PKHD1: variants seen among roughly 807,000 people sequenced by gnomAD.
PKHD1 encodes fibrocystin.
In PKHD1, 291 loss-of-function variants were observed where a neutral mutation model predicts 412.0. The ratio of observed to expected loss-of-function variants is 0.71; its 90% CI spans 0.64 to 0.78. PKHD1 has a LOEUF of 0.78. Ranked by LOEUF, PKHD1 falls within the 30% of genes least tolerant of loss-of-function variation. The pLI, the probability that PKHD1 is intolerant of heterozygous loss-of-function variation, is 0.00. For missense variants in PKHD1, 4,825 were observed against 4,950.7 expected (o/e 0.97, Z 0.76); for synonymous variants, 1,777 against 1,821.5 (o/e 0.98, Z 0.62).
intron 33 of PKHD1, among the ~76,000 whole-genome samples, chr6:52,022,174 CAA>C: frequency 6.6e-6 from 1 of 152,312 alleles, no homozygotes; most frequent in Non-Finnish European, 1.5e-5. Flanking sequence ...TCTTTCCCCA[CAA>C]AGACACGGCT....
intron 52 of PKHD1, among the ~76,000 whole-genome samples, chr6:51,823,610 T>C (rs1325070805): frequency 6.6e-6 from 1 of 152,170 alleles, no homozygotes; most frequent in Non-Finnish European, 1.5e-5. Context: ...CAAGCAGACA[T>C]GGACAAATTA....
At chr6:52,006,280 T>C (rs1581704775) in intron 35 of PKHD1, among the ~76,000 whole-genome samples, 1 of 152,034 alleles carries the variant, frequency 6.6e-6, no homozygotes, top group Non-Finnish European at 1.5e-5. Flanking sequence ...GTTCAAGCAA[T>C]TCTCCTGCCT....
Position 51,767,251 on chromosome 6 carries a change from C to CT in PKHD1, c.8642+5450dup, listed in dbSNP as rs371375096. On this transcript the variant is annotated intron_variant, in intron 55 of 66. Coordinates refer to ENST00000371117, the MANE Select transcript of PKHD1 (RefSeq NM_138694.4). Reference sequence around the variant, plus strand: ...AAATGCTAATGTTTGGCTATTTTCTCTTTTTTTTGGCCTTTTATTATATTT... The same window carrying CT: ...AAATGCTAATGTTTGGCTATTTTCTCTTTTTTTTTGGCCTTTTATTATATTT... Among the ~76,000 whole-genome samples, 368 of 151,588 alleles carry CT rather than the reference C, an allele frequency of 2.4e-3. 3 individuals carry two copies. The highest frequency in any genetic ancestry group is 7.3e-3 in the African/African-American group (304 of 41,380).
At chr6:51,640,493 T>C (rs1295720807) in intron 63 of PKHD1, among the ~76,000 whole-genome samples, 1 of 152,194 alleles carries the variant, frequency 6.6e-6, no homozygotes, top group Admixed American at 6.6e-5. Context: ...ATCTTCAGAA[T>C]AGCTATGATG....
Position 51,850,435 on chromosome 6 carries a change from C to T in PKHD1, c.7912-2465G>A, listed in dbSNP as rs546336547. Reference sequence around the variant, plus strand: ...TTTTTTCTAATTCTGTGAAGAATGTCAGTGGTAGTTTGATGGGAATAGCAT... The same window carrying T: ...TTTTTTCTAATTCTGTGAAGAATGTTAGTGGTAGTTTGATGGGAATAGCAT... On this transcript the variant is annotated intron_variant, in intron 49 of 66. Transcript: ENST00000371117. Among the ~76,000 whole-genome samples the T allele has an allele frequency of 2.0e-5, 3 of 152,240 alleles. No homozygotes were observed. In the East Asian group the frequency reaches 5.8e-4, roughly 29 times the overall value.
intron 43 of PKHD1, among the ~76,000 whole-genome samples, chr6:51,889,063 G>A (rs58715183): frequency 6.6e-6 from 1 of 151,976 alleles, no homozygotes; most frequent in Admixed American, 6.6e-5. Context: ...TCAGGTGTAA[G>A]CCCTGTGCTA....
At chr6:51,662,880 C>T (rs1054374527) in intron 60 of PKHD1, among the ~76,000 whole-genome samples, 2 of 151,886 alleles carry the variant, frequency 1.3e-5, no homozygotes, top group Non-Finnish European at 2.9e-5. Flanking sequence ...TTCTATGTCT[C>T]TTAATGAAAT....
At chr6:51,869,009 A>T (rs1775528893) in intron 47 of PKHD1, among the ~76,000 whole-genome samples, 1 of 152,176 alleles carries the variant, frequency 6.6e-6, no homozygotes, top group African/African-American at 2.4e-5. Flanking sequence ...ACATTATAAA[A>T]TATAAAAAAA....
chr6:51,921,073 G>C (rs1032216247), intron 37 of PKHD1, among the ~76,000 whole-genome samples: 23 of 152,068 alleles, frequency 1.5e-4, no homozygotes, highest in African/African-American at 4.8e-4. Flanking sequence ...CAAAAAACCA[G>C]CTCCTGGATT....
Position 51,847,787 on chromosome 6 carries a change from G to A in PKHD1, c.8095C>T (p.Leu2699Phe). The A allele has an allele frequency of 6.2e-7, 1 of 1,612,194 alleles. No homozygotes were observed. Among genetic ancestry groups the A allele is most frequent in the South Asian group, 1.1e-5 (1 of 91,050 alleles). The change falls in exon 50 of 67, where the codon CTC becomes TTC. Residue 2699 changes from leucine to phenylalanine, a missense_variant. Leu to Phe is a conservative substitution (Grantham distance 22, BLOSUM62 0). Coordinates refer to ENST00000371117, the MANE Select transcript of PKHD1 (RefSeq NM_138694.4). The part of the protein sequence containing the change: ...DWFFNSQLRQ[L>F]TYLVSGEGQV... The stretch of plus-strand genomic sequence containing the variant: ...ATTGGATACTTACCCAGATAGGTGA[G>A]TTGCCTCAGCTGGCTATTGAAGAAC...
chr6:51,760,416 T>C (rs1198490446), intron 55 of PKHD1, among the ~76,000 whole-genome samples: 1 of 152,152 alleles, frequency 6.6e-6, no homozygotes, highest in Admixed American at 6.6e-5. Context: ...CTTAGTGTTA[T>C]GCTTTTCTTA....
At chr6:51,944,330 T>C (rs1279800432) in intron 36 of PKHD1, among the ~76,000 whole-genome samples, 4 of 151,878 alleles carry the variant, frequency 2.6e-5, no homozygotes, top group Non-Finnish European at 1.5e-5. Flanking sequence ...TCACTGACTC[T>C]CTTTTCGGAC....
At position 51,802,527 on chromosome 6, in the gene PKHD1, T is replaced by G. The variant is rs930940244; in HGVS notation, c.8303-11154A>C. Among the ~76,000 whole-genome samples, 69 of 151,718 alleles carry G rather than the reference T, an allele frequency of 4.5e-4. 3 individuals are homozygous for G. Among genetic ancestry groups the G allele is most frequent in the African/African-American group, 1.7e-3 (68 of 40,998 alleles). On this transcript the variant is annotated intron_variant, in intron 52 of 66. Coordinates refer to ENST00000371117, the MANE Select transcript of PKHD1 (RefSeq NM_138694.4). Reference sequence around the variant, plus strand: ...ATTATTAAATTTTTACATGTTACAGTTGGTGTTAAAGCCAAACTAAGCGCC... The same window carrying G: ...ATTATTAAATTTTTACATGTTACAGGTGGTGTTAAAGCCAAACTAAGCGCC...
chr6:51,883,359 A>G (rs906627499), intron 45 of PKHD1, 132 bp from the exon 46 acceptor site: 8 of 803,858 alleles, frequency 1.0e-5, no homozygotes, highest in African/African-American at 3.4e-5. Flanking sequence ...TTGTCCATCA[A>G]TGTCAGTATA....
At chr6:51,701,783 A>G (rs1367973182) in intron 60 of PKHD1, among the ~76,000 whole-genome samples, 4 of 151,986 alleles carry the variant, frequency 2.6e-5, no homozygotes, top group Non-Finnish European at 4.4e-5. Flanking sequence ...ATAAGTTTAT[A>G]TTAGTATTTT....
chr6:51,804,711 T>G (rs1433423406), intron 52 of PKHD1, among the ~76,000 whole-genome samples: 1 of 152,106 alleles, frequency 6.6e-6, no homozygotes, highest in Non-Finnish European at 1.5e-5. Flanking sequence ...AGCAGTTAAC[T>G]AGGTGTAGAG....
intron 56 of PKHD1, among the ~76,000 whole-genome samples, chr6:51,754,199 T>C (rs1786577957): frequency 6.6e-6 from 1 of 152,204 alleles, no homozygotes; most frequent in Non-Finnish European, 1.5e-5. Flanking sequence ...TTATTATTTA[T>C]ATGTAGTACA....
Position 51,659,699 on chromosome 6 carries a change from T to C in PKHD1, c.10427A>G (p.Gln3476Arg), listed in dbSNP as rs1772508661. ...RQITKVCFMDQTPQVLRFFLL... is the reference protein window; with the variant it reads ...RQITKVCFMDRTPQVLRFFLL... ...AAAAAAGCGCAAAACTTGAGGAGTT[T>C]GATCCATGAAGCAGACTTTGGTGAT... is the stretch of plus-strand genomic sequence containing the variant. The change falls in exon 61 of 67, where the codon CAA (glutamine) becomes CGA (arginine). Residue 3476 changes from glutamine to arginine, a missense_variant. Transcript: ENST00000371117. The C allele has an allele frequency of 6.2e-7, 1 of 1,613,732 alleles. No individual in the cohort carries two copies. Among genetic ancestry groups the C allele is most frequent in the Non-Finnish European group, 8.5e-7 (1 of 1,179,892 alleles).
chr6:52,073,422 T>G, intron 7 of PKHD1, 41 bp downstream of exon 7: 1 of 1,183,356 alleles, frequency 8.5e-7, no homozygotes, highest in Non-Finnish European at 1.3e-6. Flanking sequence ...CCATGCAGCA[T>G]GTATGTAACT....
Sources: allele counts gnomAD v4.1 joint callset (sites outside exome capture counted in the v4.1 genomes callset), GRCh38; gene constraint gnomAD v4.1.1; transcripts MANE v1.5; gene names NCBI Gene and HGNC (gene_info 2026-07-23, HGNC 2026-07-21).